NBEA: variants seen among roughly 807,000 people sequenced by gnomAD.
NBEA encodes the protein neurobeachin.
Under a neutral mutation model 343.4 loss-of-function variants are expected in NBEA, and 44 were observed. The ratio of observed to expected loss-of-function variants is 0.13; its 90% CI spans 0.10 to 0.16. The LOEUF is 0.16. Among genes scored for constraint, NBEA ranks in the 10% least tolerant of loss-of-function variants. NBEA has a pLI of 1.00. For synonymous variants in NBEA, 1,175 were observed against 1,238.7 expected (o/e 0.95, Z 1.08); for missense variants, 2,555 against 3,631.3 (o/e 0.70, Z 7.62).
At chr13:35,224,138 T>G (rs931177409) in intron 33 of NBEA, among the ~76,000 whole-genome samples, 11 of 152,214 alleles carry the variant, frequency 7.2e-5, no homozygotes, top group African/African-American at 2.4e-4. Context: ...CTTCCTCTTT[T>G]GCTGTACTTC....
intron 10 of NBEA, among the ~76,000 whole-genome samples, chr13:35,087,760 C>A (rs974150291): frequency 6.6e-6 from 1 of 151,764 alleles, no homozygotes; most frequent in Non-Finnish European, 1.5e-5. Flanking sequence ...ATTTCAGACA[C>A]TTGGACAGAA....
intron 38 of NBEA, among the ~76,000 whole-genome samples, chr13:35,371,325 T>A (rs2041422127): frequency 6.6e-6 from 1 of 151,964 alleles, no homozygotes; most frequent in South Asian, 2.1e-4. Context: ...CTTTATTATT[T>A]TCTTACTGGG....
At chr13:35,237,565 T>C (rs1353972575) in intron 34 of NBEA, among the ~76,000 whole-genome samples, 1 of 152,190 alleles carries the variant, frequency 6.6e-6, no homozygotes, top group Non-Finnish European at 1.5e-5. Context: ...TAAAAACATA[T>C]TTACCCTAGC....
intron 38 of NBEA, among the ~76,000 whole-genome samples, chr13:35,427,429 C>T (rs1259021523): frequency 6.6e-5 from 10 of 152,272 alleles, no homozygotes; most frequent in South Asian, 6.2e-4. Flanking sequence ...GTATCAGCAG[C>T]GGTGGCTGCA....
chr13:35,507,754 C>A (rs2077126358), intron 41 of NBEA, among the ~76,000 whole-genome samples: 1 of 152,154 alleles, frequency 6.6e-6, no homozygotes, highest in Non-Finnish European at 1.5e-5. Context: ...AGATAAGCCT[C>A]TTCTGGGTAT....
In NBEA at chr13:35,110,919, A is replaced by G; in HGVS notation, c.1943A>G (p.Lys648Arg). 6.2e-7 allele frequency: 1 copy of G among 1,612,554 alleles called. No individual in the cohort carries two copies. Among genetic ancestry groups the G allele is most frequent in the Non-Finnish European group, 8.5e-7 (1 of 1,178,820 alleles). Reference sequence around the variant, plus strand: ...GTATTACAGCTAATGCACACCTTAAAATATTACTACTGGGTTATTAATCCT... The same window carrying G: ...GTATTACAGCTAATGCACACCTTAAGATATTACTACTGGGTTATTAATCCT... ...GTVLQLMHTL[K>R]YYYWVINPAD... Residue 648 changes from lysine (K) to arginine (R), a missense_variant, in exon 13 of 59, where the codon AAA becomes AGA. Lys to Arg is a conservative substitution (Grantham distance 26). Transcript: ENST00000379939.
At chr13:34,967,633 T>C (rs1360230754) in intron 1 of NBEA, among the ~76,000 whole-genome samples, 1 of 152,122 alleles carries the variant, frequency 6.6e-6, no homozygotes, top group Non-Finnish European at 1.5e-5. Flanking sequence ...AACAGGAGGC[T>C]GTGAAAGACT....
chr13:35,183,822 C>G (rs568707913), intron 29 of NBEA, among the ~76,000 whole-genome samples, 154 bp from the exon 30 acceptor site: 1 of 152,160 alleles, frequency 6.6e-6, no homozygotes, highest in Non-Finnish European at 1.5e-5. Flanking sequence ...TTTTCTTTCT[C>G]TTAATACATA....
rs2059988430 is a variant in NBEA, at chr13:34,971,235, G to T, written c.294+28121G>T. Among the ~76,000 whole-genome samples the T allele has an allele frequency of 2.6e-5, 4 of 152,082 alleles. No homozygotes were observed. The South Asian group carries it at 6.2e-4, about 24-fold the overall frequency. ...TTTGTACATTTATTTTGTATCCTAA[G>T]ATTTCCCTGTAGTTGTTTATCAGCA... On this transcript the variant is annotated intron_variant, in intron 1 of 58. Transcript: ENST00000379939.
intron 34 of NBEA, among the ~76,000 whole-genome samples, chr13:35,265,948 A>G (rs1161842772): frequency 2.6e-5 from 4 of 151,966 alleles, no homozygotes; most frequent in Non-Finnish European, 1.5e-5. Flanking sequence ...TTTGCAAACT[A>G]TACATCTAAC....
At position 35,555,687 on chromosome 13, in the gene NBEA, T is replaced by G. The variant is rs549170357; in HGVS notation, c.6922+585T>G. On this transcript the variant is annotated intron_variant, in intron 44 of 58. Transcript: ENST00000379939. ...CAGTGGTTAAACATGTCTATGAGAT[T>G]TAAGTACTTCATCTTTTTTCTTAAG... is the stretch of plus-strand genomic sequence containing the variant. 7.7e-4 allele frequency among the ~76,000 whole-genome samples: 117 copies of G among 152,226 alleles called. 1 individual carries two copies. The highest frequency in any genetic ancestry group is 1.5e-3 in the Non-Finnish European group (100 of 67,956).
At chr13:35,406,334 GGGGAAAAGATGGTGTTTGGTTACATGAA>G (rs1259083708) in intron 38 of NBEA, among the ~76,000 whole-genome samples, 6 of 149,802 alleles carry the variant, frequency 4.0e-5, no homozygotes, top group Non-Finnish European at 8.9e-5. Flanking sequence ...TAGGTTTTGG[GGGGAAAAGATGGTGTTTGGTTACATGAA>G]TAAGTTCTTT....
At chr13:35,415,226 T>C (rs2043831664) in intron 38 of NBEA, among the ~76,000 whole-genome samples, 1 of 152,194 alleles carries the variant, frequency 6.6e-6, no homozygotes, top group South Asian at 2.1e-4. Context: ...GTGCAGAAGC[T>C]CTTTAGTTTA....
Position 35,130,461 on chromosome 13 carries a change from T to C in NBEA, c.2336+6887T>C, listed in dbSNP as rs150208644. On this transcript the variant is annotated intron_variant, in intron 17 of 58. Transcript: ENST00000379939. The stretch of plus-strand genomic sequence containing the variant: ...TATTTAAATATATAAAAATAAACTT[T>C]AAGGCAAAAAATTTAATGAGGATGA... Among the ~76,000 whole-genome samples, 6 of 152,142 alleles carry C rather than the reference T, an allele frequency of 3.9e-5. No individual in the cohort carries two copies. The East Asian group carries it at 1.2e-3, about 29-fold the overall frequency.
chr13:35,346,984 G>A (rs1286951554), intron 36 of NBEA, among the ~76,000 whole-genome samples: 1 of 151,974 alleles, frequency 6.6e-6, no homozygotes, highest in Admixed American at 6.6e-5. Flanking sequence ...GTAATTTGGT[G>A]GGAAGATATT....
At chr13:35,494,511 T>G (rs2076606472) in intron 41 of NBEA, among the ~76,000 whole-genome samples, 1 of 151,960 alleles carries the variant, frequency 6.6e-6, no homozygotes, top group African/African-American at 2.4e-5. Flanking sequence ...TGCATCAACC[T>G]AATATATTGT....
intron 43 of NBEA, 77 bp downstream of exon 43, chr13:35,551,109 G>C (rs1427383250): frequency 1.2e-6 from 1 of 802,684 alleles, no homozygotes; most frequent in Non-Finnish European, 1.9e-6. Context: ...TGTAAATGTG[G>C]TTATAACATT....
intron 45 of NBEA, among the ~76,000 whole-genome samples, chr13:35,573,361 T>G (rs1006153724): frequency 2.6e-5 from 4 of 152,270 alleles, no homozygotes; most frequent in Admixed American, 6.5e-5. Context: ...TTACAGTCAT[T>G]GTTTACCCAG....
At chr13:35,543,011 A>G (rs1236231307) in intron 41 of NBEA, among the ~76,000 whole-genome samples, 6 of 152,080 alleles carry the variant, frequency 3.9e-5, no homozygotes, top group African/African-American at 1.2e-4. Flanking sequence ...CAAAAAGTGT[A>G]TATACTTACT....
Sources: gnomAD v4.1 joint callset for allele counts (sites outside exome capture counted in the v4.1 genomes callset) on GRCh38, gnomAD v4.1.1 for gene constraint, MANE v1.5 for transcripts, NCBI Gene and HGNC (gene_info 2026-07-23, HGNC 2026-07-21) for gene names.